Variants in MEGF11 observed in about 807,000 individuals in gnomAD.
MEGF11 encodes the protein multiple EGF like domains 11, also known as multiple epidermal growth factor-like domains protein 11.
In MEGF11, 126 loss-of-function variants were observed where a neutral mutation model predicts 146.6. The observed-to-expected ratio is 0.86, with a 90% confidence interval of 0.74 to 1.00. The LOEUF is 1.00. Among genes scored for constraint, MEGF11 ranks in the 50% least tolerant of loss-of-function variants. The pLI is 0.00. For missense variants in MEGF11, 1,509 were observed against 1,521.2 expected (o/e 0.99, Z 0.13); for synonymous variants, 532 against 583.4 (o/e 0.91, Z 1.27).
intron 1 of MEGF11, among the ~76,000 whole-genome samples, chr15:66,248,495 A>G (rs1269752872): frequency 6.6e-6 from 1 of 152,204 alleles, no homozygotes; most frequent in Non-Finnish European, 1.5e-5. Flanking sequence ...TTGGCATTCA[A>G]TAAGTATTCA....
intron 5 of MEGF11, among the ~76,000 whole-genome samples, chr15:66,047,136 C>A (rs1047264872): frequency 6.6e-6 from 1 of 152,212 alleles, no homozygotes; most frequent in Non-Finnish European, 1.5e-5. Context: ...GAGGCAAACA[C>A]CCTCCCCACA....
intron 10 of MEGF11, among the ~76,000 whole-genome samples, chr15:65,933,786 A>T (rs1283312116): frequency 1.3e-5 from 2 of 152,232 alleles, no homozygotes; most frequent in Admixed American, 6.5e-5. Flanking sequence ...TCCACAGCTT[A>T]TTCACCATGT....
intron 1 of MEGF11, among the ~76,000 whole-genome samples, chr15:66,251,650 C>CA (rs1340670597): frequency 6.6e-6 from 1 of 152,216 alleles, no homozygotes; most frequent in Non-Finnish European, 1.5e-5. Flanking sequence ...TAACTGGGAA[C>CA]ACTTGCCCTG....
At position 65,913,858 on chromosome 15, in the gene MEGF11, C is replaced by G. The variant is rs1473268436; in HGVS notation, c.2589G>C (p.Val863=). 2 of 1,614,044 alleles carry G rather than the reference C, an allele frequency of 1.2e-6. No homozygotes were observed. The highest frequency in any genetic ancestry group is 2.7e-5 in the African/African-American group (2 of 75,056). ...TGIMLLLFLI[V]VLLGLFAWHR... ...GCCAGGCAAATAGGCCCAGCAGCACCACAATGAGGAATAACAGGAGCATGA... is the reference window on the plus strand; with the variant it reads ...GCCAGGCAAATAGGCCCAGCAGCACGACAATGAGGAATAACAGGAGCATGA... Residue 863 remains valine, a synonymous_variant, in exon 20 of 26, where the codon GTG becomes GTC. Transcript: ENST00000395614.
intron 5 of MEGF11, among the ~76,000 whole-genome samples, chr15:66,004,662 T>G (rs922325072): frequency 6.6e-5 from 10 of 152,026 alleles, no homozygotes; most frequent in Non-Finnish European, 1.5e-5. Flanking sequence ...AGGACTGAAT[T>G]TGGGGGTGGT....
intron 1 of MEGF11, among the ~76,000 whole-genome samples, chr15:66,161,760 C>A (rs193049644): frequency 1.3e-5 from 2 of 152,312 alleles, no homozygotes. Context: ...AACACTGATT[C>A]TTGTGCTTCT....
At chr15:66,020,474 G>C (rs2083073210) in intron 5 of MEGF11, among the ~76,000 whole-genome samples, 1 of 152,206 alleles carries the variant, frequency 6.6e-6, no homozygotes. Context: ...AGTTACAAGA[G>C]GCAACAAATC....
chr15:65,980,267 A>G (rs437111), intron 7 of MEGF11, among the ~76,000 whole-genome samples: 146,849 of 152,284 alleles, frequency 0.96, 71,045 homozygotes, highest in East Asian at 1. Context: ...CTTGCTTCAG[A>G]CCACACAGCA....
intron 24 of MEGF11, chr15:65,901,782 A>G (rs2078501674): frequency 6.6e-6 from 1 of 152,182 alleles, no homozygotes; most frequent in Admixed American, 6.5e-5. Flanking sequence ...TAGCACGTAT[A>G]GTCTTCATTC....
intron 5 of MEGF11, among the ~76,000 whole-genome samples, chr15:66,076,110 TAAAG>T (rs2085565325): frequency 6.6e-6 from 1 of 152,018 alleles, no homozygotes; most frequent in Admixed American, 6.6e-5. Flanking sequence ...GATGGAAGAA[TAAAG>T]AGATAGATGG....
chr15:65,913,920 C>T lies in MEGF11; in HGVS notation c.2527G>A (p.Gly843Ser), dbSNP rs550238121. 3 of 1,614,002 alleles carry T rather than the reference C, an allele frequency of 1.9e-6. No individual in the cohort carries two copies. The South Asian group carries it at 3.3e-5, about 18-fold the overall frequency. The change falls in exon 20 of 26, where the codon GGT becomes AGT. Residue 843 changes from glycine to serine, a missense_variant. Coordinates refer to ENST00000395614, the MANE Select transcript of MEGF11 (RefSeq NM_001385028.1). ...NPYTKISPAL[G>S]AERHSVGAVT... ...GCACCCACCGAGTGCCGCTCTGCAC[C>T]CAGTGCTGGGCTGATCTTGGTGTAG...
intron 1 of MEGF11, among the ~76,000 whole-genome samples, chr15:66,234,233 A>G (rs1049420995): frequency 1.3e-5 from 2 of 152,308 alleles, no homozygotes; most frequent in Non-Finnish European, 2.9e-5. Context: ...GACTGGAACT[A>G]CTGCAGCCAT....
At chr15:66,042,405 C>T (rs1286485928) in intron 5 of MEGF11, among the ~76,000 whole-genome samples, 8 of 151,998 alleles carry the variant, frequency 5.3e-5, no homozygotes, top group African/African-American at 1.5e-4. Context: ...CCACCACACC[C>T]GGCCAAGAAT....
chr15:66,095,563 G>T (rs1196226116), intron 4 of MEGF11, among the ~76,000 whole-genome samples: 4 of 152,200 alleles, frequency 2.6e-5, no homozygotes, highest in Non-Finnish European at 4.4e-5. Context: ...AATGCCCACT[G>T]GGAAGATGCT....
At chr15:65,914,800 C>A (rs948978662) in intron 19 of MEGF11, among the ~76,000 whole-genome samples, 21 of 152,152 alleles carry the variant, frequency 1.4e-4, no homozygotes, top group African/African-American at 5.1e-4. Flanking sequence ...AATTGAGAGC[C>A]CATTTTCATC....
chr15:65,909,200 G>T, intron 22 of MEGF11, 65 bp from the exon 23 acceptor site: 1 of 1,181,958 alleles, frequency 8.5e-7, no homozygotes, highest in South Asian at 1.3e-5. Context: ...GGGGAAGGGG[G>T]TAGGAAGTAC....
intron 1 of MEGF11, among the ~76,000 whole-genome samples, chr15:66,183,541 GA>G (rs201381470): frequency 0.089 from 7,127 of 80,408 alleles, 243 homozygotes; most frequent in East Asian, 0.22. Flanking sequence ...CTGCCAAAAA[GA>G]AAAAAAAAAA....
At chr15:65,964,590 C>T (rs2141556856) in intron 9 of MEGF11, among the ~76,000 whole-genome samples, 1 of 152,336 alleles carries the variant, frequency 6.6e-6, no homozygotes, top group South Asian at 2.1e-4. Context: ...GGTCATGCAG[C>T]TGTGCTCCAC....
chr15:65,916,361 C>T, intron 17 of MEGF11, 85 bp from the exon 18 acceptor site: 1 of 1,459,950 alleles, frequency 6.8e-7, no homozygotes, highest in Non-Finnish European at 9.1e-7. Flanking sequence ...TCTTCTGTCT[C>T]TTTTTTTGCT....
Sources: allele counts gnomAD v4.1 joint callset (sites outside exome capture counted in the v4.1 genomes callset), GRCh38; gene constraint gnomAD v4.1.1; transcripts MANE v1.5; gene names NCBI Gene and HGNC (gene_info 2026-07-23, HGNC 2026-07-21).